AK5: variants seen among roughly 807,000 people sequenced by gnomAD.
AK5 encodes adenylate kinase isoenzyme 5.
In AK5, 27 loss-of-function variants were observed where a neutral mutation model predicts 69.5. That is an observed-to-expected ratio of 0.39 (90% CI 0.29 to 0.54). AK5 has a LOEUF of 0.54. Among genes scored for constraint, AK5 ranks in the 20% least tolerant of loss-of-function variants. The pLI is 0.71. For synonymous variants in AK5, 260 were observed against 244.4 expected, an observed-to-expected ratio of 1.06 and a Z score of -0.60; for missense variants, 531 against 700.4, an observed-to-expected ratio of 0.76 and a Z score of 2.73.
intron 1 of AK5, chr1:77,282,735 G>A: frequency 1.9e-6 from 2 of 1,036,196 alleles, no homozygotes; most frequent in Non-Finnish European, 2.3e-6. Context: ...CTGCACTGTC[G>A]CCCAGCAGCG....
At chr1:77,556,912 CTG>C (rs1181178021) in intron 13 of AK5, among the ~76,000 whole-genome samples, 3 of 152,232 alleles carry the variant, frequency 2.0e-5, no homozygotes, top group African/African-American at 7.2e-5. Flanking sequence ...GCCTGGAAAG[CTG>C]TGTTTTAGCA....
At chr1:77,444,295 TATATAGTATATATACACAATATA>T (rs1652555055) in intron 8 of AK5, among the ~76,000 whole-genome samples, 1 of 67,974 alleles carries the variant, frequency 1.5e-5, no homozygotes, top group Non-Finnish European at 2.6e-5. Flanking sequence ...TATGTGTATA[TATATAGTATATATACACAATATA>T]TGTGTATATA....
intron 8 of AK5, among the ~76,000 whole-genome samples, chr1:77,468,379 G>A (rs906240272): frequency 3.9e-5 from 6 of 152,160 alleles, no homozygotes; most frequent in Non-Finnish European, 7.3e-5. Context: ...TTGGTAACTG[G>A]ATTCAGTCCC....
At chr1:77,512,537 C>A (rs1657409516) in intron 10 of AK5, among the ~76,000 whole-genome samples, 1 of 151,438 alleles carries the variant, frequency 6.6e-6, no homozygotes, top group Non-Finnish European at 1.5e-5. Flanking sequence ...ATTTCAGAGA[C>A]TTTTTTTTTA....
intron 5 of AK5, among the ~76,000 whole-genome samples, chr1:77,309,150 A>G (rs1455450627): frequency 6.6e-6 from 1 of 152,002 alleles, no homozygotes; most frequent in African/African-American, 2.4e-5. Context: ...CTAGGTGATG[A>G]GTTGACAGGT....
At chr1:77,503,995 C>T (rs138384582) in intron 10 of AK5, among the ~76,000 whole-genome samples, 1 of 152,138 alleles carries the variant, frequency 6.6e-6, no homozygotes, top group East Asian at 1.9e-4. Flanking sequence ...TCCACCCTGC[C>T]GATTCAAATA....
At chr1:77,419,536 T>C (rs938860936) in intron 8 of AK5, among the ~76,000 whole-genome samples, 3 of 152,132 alleles carry the variant, frequency 2.0e-5, no homozygotes, top group African/African-American at 7.2e-5. Flanking sequence ...AAACAGGCAT[T>C]GTAGGCACAC....
intron 5 of AK5, among the ~76,000 whole-genome samples, chr1:77,324,229 T>C (rs2100333249): frequency 6.6e-6 from 1 of 152,298 alleles, no homozygotes; most frequent in East Asian, 1.9e-4. Context: ...ACTTCTCTGA[T>C]TTTAATGAAA....
chr1:77,417,490 A>G, intron 7 of AK5, 149 bp from the exon 8 acceptor site: 1 of 602,928 alleles, frequency 1.7e-6, no homozygotes, highest in South Asian at 1.9e-5. Context: ...TCTCCAGCAA[A>G]ACATTGTACC....
chr1:77,441,053 G>C (rs911827382), intron 8 of AK5, among the ~76,000 whole-genome samples: 1 of 152,054 alleles, frequency 6.6e-6, no homozygotes, highest in Non-Finnish European at 1.5e-5. Flanking sequence ...TCAGCCAGAG[G>C]TTCTTTGTTC....
chr1:77,385,120 G>A (rs1227458534), intron 6 of AK5, among the ~76,000 whole-genome samples: 5 of 152,066 alleles, frequency 3.3e-5, no homozygotes. Flanking sequence ...ACTTCATGAA[G>A]GTAAATTGAG....
chr1:77,318,450 A>C (rs892092798), intron 5 of AK5, among the ~76,000 whole-genome samples: 3 of 152,206 alleles, frequency 2.0e-5, no homozygotes, highest in Non-Finnish European at 4.4e-5. Context: ...GGGTGGGGAC[A>C]TGATTCAAAT....
intron 8 of AK5, among the ~76,000 whole-genome samples, chr1:77,464,410 G>A (rs1309186277): frequency 6.6e-6 from 1 of 152,236 alleles, no homozygotes; most frequent in East Asian, 1.9e-4. Context: ...TCAGTACGAT[G>A]TGATGTGCAC....
At chr1:77,336,910 A>T (rs1303376996) in intron 5 of AK5, among the ~76,000 whole-genome samples, 2 of 152,134 alleles carry the variant, frequency 1.3e-5, no homozygotes, top group African/African-American at 4.8e-5. Flanking sequence ...CCTGGCCTGT[A>T]AGGTTTCCAC....
At chr1:77,507,114 C>G (rs1427004408) in intron 10 of AK5, among the ~76,000 whole-genome samples, 1 of 152,194 alleles carries the variant, frequency 6.6e-6, no homozygotes. Context: ...AGTGACATGG[C>G]CTTTAGTCTA....
intron 5 of AK5, among the ~76,000 whole-genome samples, chr1:77,335,388 T>G (rs1661294730): frequency 1.3e-5 from 2 of 151,574 alleles, no homozygotes; most frequent in East Asian, 1.9e-4. Context: ...TTTTGGGTTT[T>G]TTTTTTTTTT....
At chr1:77,456,739 C>T (rs954153340) in intron 8 of AK5, among the ~76,000 whole-genome samples, 4 of 152,098 alleles carry the variant, frequency 2.6e-5, no homozygotes, top group East Asian at 1.9e-4. Context: ...GAAGGAGTGA[C>T]GTGCAGGGCA....
At chr1:77,407,934 C>T (rs893944443) in intron 6 of AK5, among the ~76,000 whole-genome samples, 16 of 152,154 alleles carry the variant, frequency 1.1e-4, no homozygotes, top group Admixed American at 3.9e-4. Context: ...CTTCCAGATG[C>T]TTCCATGTTG....
At chr1:77,340,719 G>T (rs748848779) in intron 6 of AK5, 151 bp downstream of exon 6, 19 of 507,042 alleles carry the variant, frequency 3.7e-5, no homozygotes, top group Non-Finnish European at 5.7e-5. Flanking sequence ...ATTTTGACCT[G>T]ATTTGCCTTT....
Sources: gnomAD v4.1 joint callset for allele counts (sites outside exome capture counted in the v4.1 genomes callset) on GRCh38, gnomAD v4.1.1 for gene constraint, MANE v1.5 for transcripts, NCBI Gene and HGNC (gene_info 2026-07-23, HGNC 2026-07-21) for gene names.